Variants in DCDC1 observed in about 807,000 individuals in gnomAD.
The protein encoded by DCDC1 is doublecortin domain containing 1.
Under a neutral mutation model 178.3 loss-of-function variants are expected in DCDC1, and 200 were observed. That is an observed-to-expected ratio of 1.12 (90% CI 1.00 to 1.26). DCDC1 has a LOEUF of 1.26. Ranked by LOEUF, DCDC1 falls within the 50% of genes most tolerant of loss-of-function variation. DCDC1 has a pLI of 0.00. For synonymous variants in DCDC1, 690 were observed against 604.8 expected (o/e 1.14, Z -2.07); for missense variants, 1,983 against 1,749.2 (o/e 1.13, Z -2.38).
intron 20 of DCDC1, among the ~76,000 whole-genome samples, chr11:30,983,133 G>A (rs921440445): frequency 6.6e-6 from 1 of 152,026 alleles, no homozygotes; most frequent in Non-Finnish European, 1.5e-5. Flanking sequence ...TGTACACAAT[G>A]CCATAAACAT....
At chr11:31,213,261 T>C (rs147610604) in intron 9 of DCDC1, among the ~76,000 whole-genome samples, 1 of 151,284 alleles carries the variant, frequency 6.6e-6, no homozygotes, top group Non-Finnish European at 1.5e-5. Context: ...CTATTCAGGG[T>C]CTATTTTCGC....
chr11:31,012,166 C>T (rs1952210731), intron 20 of DCDC1, among the ~76,000 whole-genome samples: 1 of 152,198 alleles, frequency 6.6e-6, no homozygotes, highest in Non-Finnish European at 1.5e-5. Context: ...CCCATACAGC[C>T]TGCAGAACCG....
chr11:31,016,764 TC>T (rs1041595696), intron 20 of DCDC1, among the ~76,000 whole-genome samples: 8 of 152,168 alleles, frequency 5.3e-5, no homozygotes, highest in Admixed American at 1.3e-4. Context: ...GATGCCTGTG[TC>T]CCATCCCCAG....
chr11:31,137,923 T>C (rs2136001646), intron 9 of DCDC1, 139 bp from the exon 10 acceptor site: 1 of 551,864 alleles, frequency 1.8e-6, no homozygotes, highest in Middle Eastern at 4.7e-4. Flanking sequence ...AAATAAACTC[T>C]GAATTTCATT....
intron 9 of DCDC1, among the ~76,000 whole-genome samples, chr11:31,164,826 T>G (rs1377175933): frequency 6.6e-6 from 1 of 152,198 alleles, no homozygotes; most frequent in African/African-American, 2.4e-5. Context: ...TTCAGTAATA[T>G]CCTAAGTTTT....
chr11:31,192,187 C>T (rs1164130265), intron 9 of DCDC1, among the ~76,000 whole-genome samples: 1 of 152,080 alleles, frequency 6.6e-6, no homozygotes, highest in East Asian at 1.9e-4. Flanking sequence ...TGGATTATTG[C>T]CATAGCGTTC....
chr11:31,328,061 TA>T, intron 3 of DCDC1, 55 bp downstream of exon 3: 1 of 1,490,862 alleles, frequency 6.7e-7, no homozygotes, highest in Middle Eastern at 2.3e-4. Context: ...CTACTTTCTA[TA>T]AACACTTTTA....
chr11:31,016,955 C>G (rs1952516271), intron 20 of DCDC1, among the ~76,000 whole-genome samples: 1 of 152,294 alleles, frequency 6.6e-6, no homozygotes, highest in East Asian at 1.9e-4. Flanking sequence ...AAATGCTCTG[C>G]TGTAAAACTT....
At chr11:31,289,066 A>G in intron 7 of DCDC1, among the ~76,000 whole-genome samples, 1 of 152,048 alleles carries the variant, frequency 6.6e-6, no homozygotes, top group Non-Finnish European at 1.5e-5. Context: ...AAAGTAAGCT[A>G]AAGACTTCAT....
At chr11:30,871,612 G>T (rs1941572085) in intron 38 of DCDC1, among the ~76,000 whole-genome samples, 1 of 151,744 alleles carries the variant, frequency 6.6e-6, no homozygotes, top group African/African-American at 2.4e-5. Flanking sequence ...TATTATTCCA[G>T]CTTGATATAT....
chr11:31,366,323 G>C (rs183355630), intron 1 of DCDC1, among the ~76,000 whole-genome samples: 1 of 152,306 alleles, frequency 6.6e-6, no homozygotes, highest in African/African-American at 2.4e-5. Flanking sequence ...AACTATTAGA[G>C]CTATGTATCA....
chr11:30,994,474 C>A (rs574127110), intron 20 of DCDC1, among the ~76,000 whole-genome samples: 2 of 150,766 alleles, frequency 1.3e-5, no homozygotes, highest in African/African-American at 4.9e-5. Context: ...GTATTTTTAG[C>A]AGAGATGGAG....
rs560595687 is a variant in DCDC1, at chr11:31,092,953, C to T, written c.2118+1097G>A. Among the ~76,000 whole-genome samples the T allele has an allele frequency of 3.3e-5, 5 of 152,274 alleles. No homozygotes were observed. In the South Asian group the frequency reaches 8.3e-4, roughly 25 times the overall value. On this transcript the variant is annotated intron_variant, in intron 16 of 38. Coordinates refer to ENST00000684477, the MANE Select transcript of DCDC1 (RefSeq NM_001387274.1). ...AGAATCTTTCTTCTGCTATTACTAA[C>T]CTCAGTTTCTTCAGCTGTATAATAA...
At chr11:31,310,474 A>G (rs2137645644) in intron 3 of DCDC1, among the ~76,000 whole-genome samples, 1 of 151,894 alleles carries the variant, frequency 6.6e-6, no homozygotes, top group South Asian at 2.1e-4. Flanking sequence ...GCATGCAACC[A>G]CGCCCAGCTG....
chr11:31,337,679 T>TCAAC (rs2133184524), intron 1 of DCDC1, among the ~76,000 whole-genome samples: 1 of 151,890 alleles, frequency 6.6e-6, no homozygotes, highest in Non-Finnish European at 1.5e-5. Flanking sequence ...AATCAATCAA[T>TCAAC]CAATCAAACT....
intron 38 of DCDC1, 123 bp from the exon 39 acceptor site, chr11:30,865,455 A>T (rs919988918): frequency 5.2e-5 from 8 of 153,252 alleles, no homozygotes; most frequent in African/African-American, 1.9e-4. Context: ...CTATTGAAAA[A>T]ATTATCAGAA....
intron 20 of DCDC1, among the ~76,000 whole-genome samples, chr11:31,063,602 G>A (rs1033958244): frequency 1.3e-5 from 2 of 152,106 alleles, no homozygotes; most frequent in Admixed American, 6.6e-5. Context: ...AGGAAGGCTG[G>A]GTGTGGTGGC....
intron 6 of DCDC1, among the ~76,000 whole-genome samples, chr11:31,296,550 T>G (rs970398479): frequency 6.6e-6 from 1 of 152,180 alleles, no homozygotes; most frequent in South Asian, 2.1e-4. Flanking sequence ...AGTTGCTTCA[T>G]TTTTGGGTAT....
chr11:30,911,690 C>G lies in DCDC1; in HGVS notation c.3654-270G>C, dbSNP rs1039337709. Among the ~76,000 whole-genome samples, 6 of 152,140 alleles carry G rather than the reference C, an allele frequency of 3.9e-5. 1 individual carries two copies. Among genetic ancestry groups the G allele is most frequent in the African/African-American group, 1.4e-4 (6 of 41,436 alleles). On this transcript the variant is annotated intron_variant, in intron 27 of 38. Transcript: ENST00000684477. ...TTGGGAGTGAGAACACCCAATGATG[C>G]TTTGTTCCAGCGAGGTGCCCAGGAA... is the stretch of plus-strand genomic sequence containing the variant.
Sources: allele counts gnomAD v4.1 joint callset (sites outside exome capture counted in the v4.1 genomes callset), GRCh38; gene constraint gnomAD v4.1.1; transcripts MANE v1.5; gene names NCBI Gene and HGNC (gene_info 2026-07-23, HGNC 2026-07-21).